The following CACNA1S variants were observed in gnomAD, a reference collection of about 807,000 sequenced individuals.
The protein encoded by CACNA1S is calcium voltage-gated channel subunit alpha1 S, also known as voltage-dependent L-type calcium channel subunit alpha-1S.
Under a neutral mutation model 207.4 loss-of-function variants are expected in CACNA1S, and 126 were observed. That is an observed-to-expected ratio of 0.61 (90% CI 0.53 to 0.70). The LOEUF (loss-of-function observed/expected upper bound fraction) is 0.70. Among genes scored for constraint, CACNA1S ranks in the 30% least tolerant of loss-of-function variants. The pLI, the probability that CACNA1S is intolerant of heterozygous loss-of-function variation, is 0.00. For synonymous variants in CACNA1S, 960 were observed against 932.7 expected (o/e 1.03, Z -0.53); for missense variants, 2,349 against 2,422.8 (o/e 0.97, Z 0.64).
chr1:201,088,037 G>A (rs765207317), intron 6 of CACNA1S, 108 bp from the exon 7 acceptor site: 30 of 761,166 alleles, frequency 3.9e-5, no homozygotes, highest in Non-Finnish European at 6.1e-5. Flanking sequence ...GAGAAGCCAC[G>A]CTGGGATATT....
intron 28 of CACNA1S, among the ~76,000 whole-genome samples, chr1:201,057,916 G>A (rs185176372): frequency 1.2e-3 from 187 of 152,252 alleles, no homozygotes; most frequent in African/African-American, 4.4e-3. Context: ...CACTCTCACC[G>A]CTTAGCTCTC....
intron 14 of CACNA1S, among the ~76,000 whole-genome samples, chr1:201,074,232 G>T (rs554535975): frequency 1.3e-5 from 2 of 152,340 alleles, no homozygotes; most frequent in Admixed American, 6.5e-5. Context: ...GGATCCCTCC[G>T]CAGGGGAGCC....
chr1:201,107,647 A>C (rs1284343726), intron 2 of CACNA1S, among the ~76,000 whole-genome samples: 1 of 152,140 alleles, frequency 6.6e-6, no homozygotes, highest in Non-Finnish European at 1.5e-5. Flanking sequence ...GACTGGAAAG[A>C]CCCCAACCCT....
chr1:201,064,451 TGCCCTCAGCGAGGATTTGGCTTGTAAG>T (rs1661174456), intron 22 of CACNA1S, among the ~76,000 whole-genome samples: 1 of 152,238 alleles, frequency 6.6e-6, no homozygotes, highest in East Asian at 1.9e-4. Flanking sequence ...GCCTGTTCCC[TGCCCTCAGCGAGGATTTGGCTTGTAAG>T]GCCCTCAGCT....
intron 3 of CACNA1S, among the ~76,000 whole-genome samples, chr1:201,093,071 G>A (rs1012187868): frequency 1.3e-5 from 2 of 152,254 alleles, no homozygotes; most frequent in African/African-American, 4.8e-5. Flanking sequence ...TTAAGTGCTT[G>A]ATAAATGCTA....
chr1:201,087,431 C>G (rs1304377464), intron 7 of CACNA1S, among the ~76,000 whole-genome samples: 2 of 151,946 alleles, frequency 1.3e-5, no homozygotes, highest in Non-Finnish European at 2.9e-5. Flanking sequence ...TCCACTTAGG[C>G]ACCCCCGGGG....
chr1:201,062,390 T>C (rs1314097647), intron 23 of CACNA1S, 72 bp downstream of exon 23: 1 of 1,444,070 alleles, frequency 6.9e-7, no homozygotes, highest in Non-Finnish European at 9.7e-7. Context: ...CCCACAGTGC[T>C]CCCTGCCCCG....
rs1238235368 is a variant in CACNA1S at position 201,077,878 on chromosome 1, C to T, written c.1619+1G>A. On this transcript the variant is annotated splice_donor_variant, in intron 11 of 43. Transcript: ENST00000362061. LOFTEE classifies it high-confidence loss of function. ...GAGTGCCAGCCGACCCCGGCACTCA[C>T]TTGGTGATCTTGAAGATCCTCAGGA... 3 of 1,612,636 alleles carry T rather than the reference C, an allele frequency of 1.9e-6. No individual in the cohort carries two copies. The highest frequency in any genetic ancestry group is 2.5e-6 in the Non-Finnish European group (3 of 1,178,826).
chr1:201,112,415 G>C lies in CACNA1S; in HGVS notation c.-76C>G. ...CCTTCCCTGTGTCCCCAATGCCCCC[G>C]CCTTGGGGACTAGGCTGGCTGAGGC... is the stretch of plus-strand genomic sequence containing the variant. On this transcript the variant is annotated 5_prime_UTR_variant, in exon 1 of 44. Transcript: ENST00000362061. 2 of 1,608,240 alleles carry C rather than the reference G, an allele frequency of 1.2e-6. No homozygotes were observed. The highest frequency in any genetic ancestry group is 1.7e-6 in the Non-Finnish European group (2 of 1,179,402).
intron 2 of CACNA1S, among the ~76,000 whole-genome samples, chr1:201,097,833 C>T (rs1012394070): frequency 1.3e-5 from 2 of 152,140 alleles, no homozygotes; most frequent in Non-Finnish European, 2.9e-5. Context: ...GATTCTGATG[C>T]CCTTCCCTTA....
At chr1:201,101,751 C>T (rs1662674886) in intron 2 of CACNA1S, among the ~76,000 whole-genome samples, 1 of 152,198 alleles carries the variant, frequency 6.6e-6, no homozygotes, top group Non-Finnish European at 1.5e-5. Flanking sequence ...GGTCTTGGAG[C>T]CCCATGGGAG....
Position 201,050,397 on chromosome 1 carries a change from T to C in CACNA1S, c.4233A>G (p.Pro1411=). 1.2e-6 allele frequency: 2 copies of C among 1,614,080 alleles called. No individual in the cohort carries two copies. Among genetic ancestry groups the C allele is most frequent in the Non-Finnish European group, 1.7e-6 (2 of 1,179,984 alleles). Reference sequence around the variant, plus strand: ...CTACAGATTGGACTCACTTAGCCTCTGGGTCATACTCTGCCCAGATGGCCT... The same window carrying C: ...CTACAGATTGGACTCACTTAGCCTCCGGGTCATACTCTGCCCAGATGGCCT... ...EFKAIWAEYD[P]EAKGRIKHLD... The change falls in exon 34 of 44, where the codon CCA becomes CCG. Residue 1411 remains proline, a synonymous_variant. Transcript: ENST00000362061.
At chr1:201,082,318 C>T (rs143419617) in intron 10 of CACNA1S, among the ~76,000 whole-genome samples, 340 of 144,642 alleles carry the variant, frequency 2.4e-3, no homozygotes, top group African/African-American at 8.1e-3. Flanking sequence ...TGAGCCACCG[C>T]GCCCGGCCTC....
intron 10 of CACNA1S, among the ~76,000 whole-genome samples, chr1:201,078,410 G>A (rs1270438722): frequency 6.6e-6 from 1 of 151,350 alleles, no homozygotes; most frequent in East Asian, 2.0e-4. Context: ...ATGTTGCCCA[G>A]GCTGGTCTTG....
chr1:201,076,872 G>A (rs1661638819), intron 12 of CACNA1S, 48 bp downstream of exon 12: 2 of 1,540,540 alleles, frequency 1.3e-6, no homozygotes, highest in East Asian at 2.2e-5. Context: ...ACAAGAAGCA[G>A]GATTCAGCAA....
intron 2 of CACNA1S, among the ~76,000 whole-genome samples, chr1:201,109,417 G>T (rs1244516466): frequency 1.3e-5 from 2 of 152,186 alleles, no homozygotes; most frequent in African/African-American, 4.8e-5. Context: ...TAGTTATAGG[G>T]ATTAAATAAT....
chr1:201,040,060 C>A lies in CACNA1S; in HGVS notation c.5393G>T (p.Gly1798Val). The change falls in exon 44 of 44, where the codon GGC becomes GTC. Residue 1798 changes from glycine to valine, a missense_variant. Physicochemically the swap from Gly to Val is moderately radical, Grantham distance 109. Transcript: ENST00000362061. ...IQKALVRGGL[G>V]TLAADANFIM... The stretch of plus-strand genomic sequence containing the variant: ...GAAGTTTGCATCAGCTGCCAAGGTG[C>A]CCAGGCCCCCTCGAACCAGAGCCTG... 1 of 1,614,218 alleles carries A rather than the reference C, an allele frequency of 6.2e-7. No homozygotes were observed. The highest frequency in any genetic ancestry group is 8.5e-7 in the Non-Finnish European group (1 of 1,180,030).
intron 32 of CACNA1S, 82 bp from the exon 33 acceptor site, chr1:201,051,225 G>T: frequency 7.0e-7 from 1 of 1,423,846 alleles, no homozygotes. Flanking sequence ...GCAGCAGGGT[G>T]TGGACAGATG....
At chr1:201,059,408 TG>T in intron 26 of CACNA1S, 109 bp from the exon 27 acceptor site, 2 of 668,732 alleles carry the variant, frequency 3.0e-6, no homozygotes, top group Non-Finnish European at 5.3e-6. Flanking sequence ...AACCCTTTCT[TG>T]GGCCCCCTGC....
Sources: allele counts gnomAD v4.1 joint callset (sites outside exome capture counted in the v4.1 genomes callset), GRCh38; gene constraint gnomAD v4.1.1; transcripts MANE v1.5; gene names NCBI Gene and HGNC (gene_info 2026-07-23, HGNC 2026-07-21).